The following ROBO1 variants were observed in gnomAD, a reference collection of about 807,000 sequenced individuals.
ROBO1 encodes roundabout homolog 1.
ROBO1 carries 149 observed loss-of-function variants against 195.9 expected under a neutral mutation model. The observed-to-expected ratio is 0.76, with a 90% CI of 0.67 to 0.87. ROBO1 has a LOEUF of 0.87. Ranked by LOEUF, ROBO1 falls within the 40% of genes least tolerant of loss-of-function variation. The probability of loss-of-function intolerance (pLI) is 0.00; values close to 1 mark genes in which losing one functional copy is unlikely to be tolerated. For synonymous variants in ROBO1, 816 were observed against 733.2 expected (o/e 1.11, Z -1.82); for missense variants, 1,933 against 2,068.3 (o/e 0.93, Z 1.27).
intron 2 of ROBO1, among the ~76,000 whole-genome samples, chr3:79,376,208 A>G (rs2036377162): frequency 6.6e-6 from 1 of 152,142 alleles, no homozygotes; most frequent in African/African-American, 2.4e-5. Context: ...AAATTGCCTT[A>G]TTTCCCAAAC....
intron 28 of ROBO1, among the ~76,000 whole-genome samples, chr3:78,609,092 C>T (rs748992621): frequency 3.3e-5 from 5 of 152,056 alleles, no homozygotes; most frequent in Non-Finnish European, 5.9e-5. Flanking sequence ...GAAATGGTAA[C>T]GTTTTCACAT....
In ROBO1 at chr3:78,646,175, C is replaced by T; in HGVS notation, c.2855G>A (p.Gly952Glu). The T allele has an allele frequency of 6.2e-7, 1 of 1,607,038 alleles. No individual in the cohort carries two copies. The highest frequency in any genetic ancestry group is 8.5e-7 in the Non-Finnish European group (1 of 1,175,222). Reference protein sequence around the residue: ...TFTPTVTYQRGGEAVSSGGRP... With the variant: ...TFTPTVTYQREGEAVSSGGRP... ...CCCTCCACTGCTGACAGCTTCGCCTCCTCTCTGGTAAGTTACTAGAATGTT... is the reference window on the plus strand; with the variant it reads ...CCCTCCACTGCTGACAGCTTCGCCTTCTCTCTGGTAAGTTACTAGAATGTT... Residue 952 changes from glycine to glutamate, a missense_variant, in exon 21 of 31, where the codon GGA (glycine) becomes GAA (glutamate). Around this residue, in one of 3 missense-constraint regions of ROBO1, gnomAD observed 1,737 missense variants for 1,882.5 expected, o/e 0.92. Coordinates refer to ENST00000464233, the MANE Select transcript of ROBO1 (RefSeq NM_002941.4).
chr3:79,128,885 T>C (rs2080269268), intron 2 of ROBO1, among the ~76,000 whole-genome samples: 1 of 152,210 alleles, frequency 6.6e-6, no homozygotes, highest in South Asian at 2.1e-4. Flanking sequence ...ATAGAACTAA[T>C]GCCTCATCCA....
intron 2 of ROBO1, among the ~76,000 whole-genome samples, chr3:79,394,371 T>C (rs189536008): frequency 2.6e-5 from 4 of 152,178 alleles, no homozygotes; most frequent in Admixed American, 6.5e-5. Flanking sequence ...AATACCTACT[T>C]GTTACTACAG....
At chr3:79,480,745 C>CT (rs1938796594) in intron 2 of ROBO1, among the ~76,000 whole-genome samples, 1 of 152,008 alleles carries the variant, frequency 6.6e-6, no homozygotes, top group African/African-American at 2.4e-5. Context: ...GAAATTGGAG[C>CT]TTGGTTTAGT....
chr3:79,428,666 A>G (rs1015061386), intron 2 of ROBO1, among the ~76,000 whole-genome samples: 1 of 152,186 alleles, frequency 6.6e-6, no homozygotes, highest in Admixed American at 6.6e-5. Context: ...ACATGCCCAC[A>G]TGAAGAGTGT....
chr3:79,172,271 C>A (rs898664167), intron 2 of ROBO1, among the ~76,000 whole-genome samples: 4 of 152,144 alleles, frequency 2.6e-5, no homozygotes, highest in African/African-American at 9.7e-5. Context: ...CCAGTTGGGT[C>A]AAATTCCTAT....
chr3:79,003,912 AC>A (rs1353295944), intron 3 of ROBO1, among the ~76,000 whole-genome samples: 2 of 152,134 alleles, frequency 1.3e-5, no homozygotes, highest in South Asian at 2.1e-4. Flanking sequence ...CAGATGAAAA[AC>A]CACATACCCA....
chr3:79,080,000 T>C (rs2079242582), intron 3 of ROBO1, among the ~76,000 whole-genome samples: 1 of 151,712 alleles, frequency 6.6e-6, no homozygotes, highest in Non-Finnish European at 1.5e-5. Context: ...TAATTTTTAA[T>C]GGCATATGTT....
intron 3 of ROBO1, among the ~76,000 whole-genome samples, chr3:79,116,303 T>TTTCC (rs886139567): frequency 2.6e-5 from 4 of 151,556 alleles, no homozygotes; most frequent in African/African-American, 7.3e-5. Context: ...TCTTTCTTTC[T>TTTCC]TTCCTTCCTT....
chr3:79,727,399 C>T (rs912288720), intron 1 of ROBO1, among the ~76,000 whole-genome samples: 8 of 152,016 alleles, frequency 5.3e-5, no homozygotes, highest in Admixed American at 4.6e-4. Flanking sequence ...AATATTGACA[C>T]TGCAATTCAT....
chr3:78,944,917 A>G (rs1444468588), intron 3 of ROBO1, among the ~76,000 whole-genome samples: 1 of 152,196 alleles, frequency 6.6e-6, no homozygotes, highest in Non-Finnish European at 1.5e-5. Flanking sequence ...GCTCATTGCT[A>G]GCACAGCAGT....
chr3:78,617,270 A>C (rs886812968), intron 27 of ROBO1, among the ~76,000 whole-genome samples: 1 of 152,204 alleles, frequency 6.6e-6, no homozygotes. Flanking sequence ...TAGAGTATAC[A>C]TTCAAAAACA....
At chr3:79,581,103 C>T (rs1212549688) in intron 2 of ROBO1, among the ~76,000 whole-genome samples, 1 of 152,050 alleles carries the variant, frequency 6.6e-6, no homozygotes, top group Non-Finnish European at 1.5e-5. Context: ...ATGACAGTGT[C>T]TCTGGAAATA....
At chr3:78,999,179 G>T (rs1188761671) in intron 3 of ROBO1, among the ~76,000 whole-genome samples, 1 of 151,936 alleles carries the variant, frequency 6.6e-6, no homozygotes, top group African/African-American at 2.4e-5. Flanking sequence ...AAAGAACTTA[G>T]AACAGAACTA....
intron 4 of ROBO1, among the ~76,000 whole-genome samples, chr3:78,884,650 AGGAAGG>A (rs1559961773): frequency 2.6e-5 from 1 of 38,166 alleles, no homozygotes. Context: ...AAAGAAAGAA[AGGAAGG>A]AAGGAAGGAA....
intron 4 of ROBO1, among the ~76,000 whole-genome samples, chr3:78,886,609 T>C (rs1412721739): frequency 6.6e-6 from 1 of 151,336 alleles, no homozygotes; most frequent in East Asian, 1.9e-4. Flanking sequence ...AAAAAAAAAT[T>C]GTACTCTGCA....
chr3:78,985,194 G>A (rs139110697), intron 3 of ROBO1, among the ~76,000 whole-genome samples: 28 of 152,102 alleles, frequency 1.8e-4, no homozygotes, highest in African/African-American at 6.3e-4. Flanking sequence ...TAATAACTCT[G>A]GAGGCTGAGG....
intron 4 of ROBO1, among the ~76,000 whole-genome samples, chr3:78,752,166 CAT>C (rs2082812698): frequency 1.5e-5 from 2 of 129,816 alleles, no homozygotes; most frequent in African/African-American, 5.9e-5. Context: ...TACTCACATA[CAT>C]AGTCATAGTA....
Sources: gnomAD v4.1 joint callset for allele counts (sites outside exome capture counted in the v4.1 genomes callset) on GRCh38, gnomAD v4.1.1 for gene constraint, gnomAD v4.1.1 regional missense constraint, MANE v1.5 for transcripts, NCBI Gene and HGNC (gene_info 2026-07-23, HGNC 2026-07-21) for gene names.